NUP133: variants seen among roughly 807,000 people sequenced by gnomAD.
NUP133 encodes nucleoporin 133, also known as nuclear pore complex protein Nup133.
A neutral mutation model predicts 146.2 loss-of-function variants in NUP133; 66 were observed. The ratio of observed to expected loss-of-function variants is 0.45; its 90% CI spans 0.37 to 0.55. The LOEUF is 0.55. Ranked by LOEUF, NUP133 falls within the 20% of genes least tolerant of loss-of-function variation. NUP133 has a pLI of 0.00. For synonymous variants in NUP133, 521 were observed against 498.8 expected, an observed-to-expected ratio of 1.04 and a Z score of -0.59; for missense variants, 1,277 against 1,374.8, an observed-to-expected ratio of 0.93 and a Z score of 1.12.
At chr1:229,474,287 A>T (rs1661024063) in intron 14 of NUP133, among the ~76,000 whole-genome samples, 1 of 152,210 alleles carries the variant, frequency 6.6e-6, no homozygotes, top group South Asian at 2.1e-4. Context: ...AATTGTTTTA[A>T]GCCACTGTGT....
chr1:229,442,872 A>T (rs1660216397), intron 25 of NUP133, among the ~76,000 whole-genome samples: 1 of 151,780 alleles, frequency 6.6e-6, no homozygotes, highest in South Asian at 2.1e-4. Flanking sequence ...CACCCGGCTA[A>T]TTTTTTGTAT....
intron 24 of NUP133, among the ~76,000 whole-genome samples, chr1:229,447,037 T>C (rs1571903308): frequency 6.6e-6 from 1 of 152,026 alleles, no homozygotes; most frequent in South Asian, 2.1e-4. Flanking sequence ...AGCAGGAGAA[T>C]CACTTGAATC....
chr1:229,462,617 T>C (rs947654042), intron 19 of NUP133, among the ~76,000 whole-genome samples: 2 of 152,152 alleles, frequency 1.3e-5, no homozygotes, highest in Non-Finnish European at 2.9e-5. Flanking sequence ...TGTGGTGTAG[T>C]GGCACAATCT....
Position 229,502,014 on chromosome 1 carries a change from C to G in NUP133, c.390G>C (p.Leu130=). ...KEKLIIWKIA[L]SPITKLSVCK... is the part of the protein sequence containing the mutation. ...GAGCCATTACCTTAGTAATAGGTGA[C>G]AGAGCAATCTTCCAAATAATGAGCT... Residue 130 remains leucine (L), a synonymous_variant, in exon 3 of 26, where the codon CTG becomes CTC. Coordinates refer to ENST00000261396, the MANE Select transcript of NUP133 (RefSeq NM_018230.3). 1.1e-5 allele frequency: 17 copies of G among 1,611,926 alleles called. No individual in the cohort carries two copies. Among genetic ancestry groups the G allele is most frequent in the Admixed American group, 1.7e-5 (1 of 60,014 alleles).
At chr1:229,483,662 G>A (rs1488084747) in intron 12 of NUP133, among the ~76,000 whole-genome samples, 3 of 130,224 alleles carry the variant, frequency 2.3e-5, no homozygotes, top group Admixed American at 2.0e-4. Context: ...CCAAGATCGC[G>A]CCACTGCACT....
intron 19 of NUP133, among the ~76,000 whole-genome samples, chr1:229,461,601 T>C (rs1660691297): frequency 6.6e-6 from 1 of 152,128 alleles, no homozygotes; most frequent in African/African-American, 2.4e-5. Flanking sequence ...GTTTTAAAAA[T>C]ATACAATGTC....
chr1:229,473,663 C>T (rs866117403), intron 14 of NUP133, among the ~76,000 whole-genome samples: 3 of 152,294 alleles, frequency 2.0e-5, no homozygotes, highest in Middle Eastern at 6.8e-3. Flanking sequence ...GTGGCTCACA[C>T]CTGTAATCGC....
At position 229,486,461 on chromosome 1, in the gene NUP133, C is replaced by T. The variant is rs769603274; in HGVS notation, c.1410G>A (p.Leu470=). The change falls in exon 11 of 26, where the codon CTG becomes CTA. Residue 470 remains leucine (L), a synonymous_variant. Coordinates refer to ENST00000261396, the MANE Select transcript of NUP133 (RefSeq NM_018230.3). ...VPIIFSRNSG[L]VSITSRENVS... The stretch of plus-strand genomic sequence containing the variant: ...CATTTTCCCTTGAAGTAATAGACAC[C>T]AGTCCACTGTTTCTAGAAAAAATGA... 3 of 1,611,148 alleles carry T rather than the reference C, an allele frequency of 1.9e-6. No homozygotes were observed. Among genetic ancestry groups the T allele is most frequent in the Non-Finnish European group, 2.5e-6 (3 of 1,178,982 alleles).
Position 229,458,185 on chromosome 1 carries a change from C to A in NUP133, c.2956G>T (p.Asp986Tyr). Residue 986 changes from aspartate (D) to tyrosine (Y), a missense_variant, in exon 21 of 26, where the codon GAT (aspartate) becomes TAT (tyrosine). Asp to Tyr is a radical substitution (Grantham distance 160). Transcript: ENST00000261396. ...LAALASDFSE[D>Y]MLQEKIEEMA... ...CCTTCAATTTTTTCTTGTAGCATAT[C>A]CTCTGAAAAGTCTGAAGCTAATGCA... 1 of 1,612,826 alleles carries A rather than the reference C, an allele frequency of 6.2e-7. No individual in the cohort carries two copies. Among genetic ancestry groups the A allele is most frequent in the Non-Finnish European group, 8.5e-7 (1 of 1,179,346 alleles).
intron 2 of NUP133, among the ~76,000 whole-genome samples, chr1:229,502,558 CAAAAAAAAAAAAAAA>C (rs58520087): frequency 0.014 from 624 of 43,110 alleles, 13 homozygotes; most frequent in South Asian, 0.028. Context: ...GACTCCATCT[CAAAAAAAAAAAAAAA>C]AAAAAAAGAA....
chr1:229,500,025 T>C (rs189872638), intron 4 of NUP133, among the ~76,000 whole-genome samples: 9 of 152,350 alleles, frequency 5.9e-5, no homozygotes, highest in Admixed American at 5.2e-4. Context: ...GCCATCCTTA[T>C]ATCCTCACTA....
chr1:229,507,944 T>G, intron 1 of NUP133, 124 bp downstream of exon 1: 11 of 1,281,612 alleles, frequency 8.6e-6, no homozygotes, highest in Non-Finnish European at 1.1e-5. Flanking sequence ...AGGTCTATTT[T>G]CCAATACTGT....
In NUP133 at chr1:229,464,753, G is replaced by A; in HGVS notation, c.2422C>T (p.Leu808=). ...RNIVTEQLVA[L]IDCFLDGYVS... is the part of the protein sequence containing the mutation. ...TAACCATCCAGGAAGCAATCGATCA[G>A]GGCTACCAGCTGCTCGGTCACGATG... Residue 808 remains leucine (L), a synonymous_variant, in exon 18 of 26, where the codon CTG becomes TTG. Transcript: ENST00000261396. 6.2e-7 allele frequency: 1 copy of A among 1,614,170 alleles called. No individual in the cohort carries two copies.
At chr1:229,506,821 T>TA (rs373882093) in intron 1 of NUP133, among the ~76,000 whole-genome samples, 96,453 of 131,196 alleles carry the variant, frequency 0.74, 36,247 homozygotes, top group Middle Eastern at 0.84. Flanking sequence ...CCTGTCTCTT[T>TA]AAAAAAAAAA....
Position 229,470,651 on chromosome 1 carries a change from A to C in NUP133, c.2005T>G (p.Leu669Val). 6.2e-7 allele frequency: 1 copy of C among 1,614,200 alleles called. No homozygotes were observed. The highest frequency in any genetic ancestry group is 8.5e-7 in the Non-Finnish European group (1 of 1,180,030). ...TACTCCCTCTTGTTCAAAGCAATCA[A>C]TATGGCTGTGTTGACAAGGTCAGAA... ...RLSDLVNTAI[L>V]IALNKREYEI... is the part of the protein sequence containing the mutation. Residue 669 changes from leucine (L) to valine (V), a missense_variant, in exon 15 of 26, where the codon TTG becomes GTG. Coordinates refer to ENST00000261396, the MANE Select transcript of NUP133 (RefSeq NM_018230.3).
chr1:229,457,092 GC>G (rs774725603), intron 21 of NUP133, among the ~76,000 whole-genome samples: 1 of 152,028 alleles, frequency 6.6e-6, no homozygotes, highest in Non-Finnish European at 1.5e-5. Context: ...CTCCCAAAGT[GC>G]TGGGATTACA....
intron 23 of NUP133, 39 bp from the exon 24 acceptor site, chr1:229,449,229 G>T (rs1435708027): frequency 2.2e-6 from 3 of 1,384,294 alleles, no homozygotes; most frequent in Admixed American, 1.9e-5. Context: ...TTAAATCCTG[G>T]CTCTGAAAGA....
intron 5 of NUP133, 23 bp downstream of exon 5, chr1:229,499,661 A>G (rs1352304350): frequency 3.8e-6 from 6 of 1,585,508 alleles, no homozygotes; most frequent in Non-Finnish European, 5.1e-6. Context: ...TCCAATAAAT[A>G]TAAAGGAATA....
intron 24 of NUP133, 68 bp downstream of exon 24, chr1:229,449,058 T>C (rs1660381105): frequency 3.4e-6 from 4 of 1,162,298 alleles, no homozygotes; most frequent in East Asian, 2.3e-5. Flanking sequence ...TTATTGACTG[T>C]CATGTGGTGA....
Sources: gnomAD v4.1 joint callset for allele counts (sites outside exome capture counted in the v4.1 genomes callset) on GRCh38, gnomAD v4.1.1 for gene constraint, MANE v1.5 for transcripts, NCBI Gene and HGNC (gene_info 2026-07-23, HGNC 2026-07-21) for gene names.